PRELID2: variants seen among roughly 807,000 people sequenced by gnomAD.
The protein encoded by PRELID2 is PRELI domain containing 2.
PRELID2 carries 25 observed loss-of-function variants against 28.4 expected under a neutral mutation model. The observed-to-expected ratio is 0.88, with a 90% CI of 0.64 to 1.23. The LOEUF (loss-of-function observed/expected upper bound fraction) is 1.23. Among genes scored for constraint, PRELID2 ranks in the 50% most tolerant of loss-of-function variants. The probability of loss-of-function intolerance (pLI) is 0.00; values close to 1 mark genes in which losing one functional copy is unlikely to be tolerated. For missense variants in PRELID2, 201 were observed against 214.4 expected (o/e 0.94, Z 0.39); for synonymous variants, 76 against 71.6 (o/e 1.06, Z -0.31).
intron 1 of PRELID2, among the ~76,000 whole-genome samples, chr5:145,559,657 C>T (rs893421360): frequency 1.3e-5 from 2 of 152,084 alleles, no homozygotes; most frequent in East Asian, 3.9e-4. Flanking sequence ...CACGAGTGCC[C>T]AGCATGAGAG....
chr5:145,728,620 T>C, intron 1 of PRELID2: 1 of 1,114,702 alleles, frequency 9.0e-7, no homozygotes. Context: ...ACTGTAACAT[T>C]ATAGACTCCA....
At chr5:145,310,909 T>C in the PRELID2 span, among the ~76,000 whole-genome samples, 1 of 152,162 alleles carries the variant, frequency 6.6e-6, no homozygotes, top group Non-Finnish European at 1.5e-5. Context: ...CCCTTGAATA[T>C]TTTTCTGTTA....
chr5:145,686,940 C>T lies in PRELID2; in HGVS notation n.70+77991G>A, dbSNP rs572074608. 5.9e-5 allele frequency among the ~76,000 whole-genome samples: 9 copies of T among 152,222 alleles called. No individual in the cohort carries two copies. The South Asian group carries it at 1.9e-3, about 32-fold the overall frequency. ...ACTGAAATGATCTTATGGCATTTTA[C>T]CCACATTTGATCTAATTTCCCTAAT... On this transcript the variant is annotated intron_variant and non_coding_transcript_variant, in intron 1 of 2. Transcript: ENST00000510259.
At chr5:145,737,185 A>G (rs1309966439) in intron 1 of PRELID2, among the ~76,000 whole-genome samples, 1 of 152,080 alleles carries the variant, frequency 6.6e-6, no homozygotes, top group Non-Finnish European at 1.5e-5. Flanking sequence ...CAAGGAGTTT[A>G]CAGGCAAGCA....
chr5:145,806,432 C>A (rs1007818608), intron 4 of PRELID2, among the ~76,000 whole-genome samples: 1 of 152,176 alleles, frequency 6.6e-6, no homozygotes, highest in Non-Finnish European at 1.5e-5. Context: ...ACTGGAAAGT[C>A]TTCAGGGGCA....
chr5:145,647,454 G>C (rs1754217095), intron 1 of PRELID2, among the ~76,000 whole-genome samples: 1 of 152,190 alleles, frequency 6.6e-6, no homozygotes, highest in Non-Finnish European at 1.5e-5. Flanking sequence ...TTAGTTTGCT[G>C]GGCTCTGTGG....
At chr5:145,392,304 G>T in the PRELID2 span, among the ~76,000 whole-genome samples, 2 of 152,146 alleles carry the variant, frequency 1.3e-5, no homozygotes, top group African/African-American at 4.8e-5. Context: ...TCTTCACAAG[G>T]CAGCAGGAGA....
chr5:145,762,378 A>G (rs777361359), intron 6 of PRELID2, among the ~76,000 whole-genome samples: 25 of 151,844 alleles, frequency 1.6e-4, no homozygotes, highest in Middle Eastern at 6.8e-3. Flanking sequence ...CTCTATAAAA[A>G]AGGAAAAAAT....
At chr5:145,753,938 T>C (rs901741985), downstream of PRELID2, among the ~76,000 whole-genome samples, 1 of 152,124 alleles carries the variant, frequency 6.6e-6, no homozygotes, top group Non-Finnish European at 1.5e-5. Flanking sequence ...CCTTCCTCAG[T>C]CTTTCCAAGG....
chr5:145,540,162 T>G (rs555660121), intron 1 of PRELID2, among the ~76,000 whole-genome samples: 2 of 152,116 alleles, frequency 1.3e-5, no homozygotes, highest in East Asian at 3.9e-4. Context: ...TATTTGCAAT[T>G]GTTGGAATTA....
At chr5:145,422,580 T>C in the PRELID2 span, among the ~76,000 whole-genome samples, 1 of 152,152 alleles carries the variant, frequency 6.6e-6, no homozygotes, top group Non-Finnish European at 1.5e-5. Flanking sequence ...TTGTTTTCCA[T>C]TGGCTTGGTA....
At chr5:145,722,589 C>T (rs2149718560) in intron 1 of PRELID2, among the ~76,000 whole-genome samples, 1 of 152,256 alleles carries the variant, frequency 6.6e-6, no homozygotes, top group East Asian at 1.9e-4. Flanking sequence ...GCCTCCACCT[C>T]CTGGGTTCAA....
intron 1 of PRELID2, chr5:145,728,295 TGAGTTCCTGC>T (rs1432150585): frequency 3.6e-6 from 1 of 274,694 alleles, no homozygotes; most frequent in Non-Finnish European, 7.1e-6. Flanking sequence ...TTAGTTCCTG[TGAGTTCCTGC>T]AAGTCCCTGT....
chr5:145,275,750 G>A, the PRELID2 span, among the ~76,000 whole-genome samples: 1 of 152,132 alleles, frequency 6.6e-6, no homozygotes, highest in South Asian at 2.1e-4. Flanking sequence ...ATAATTTTGA[G>A]AGGCTATTTA....
intron 1 of PRELID2, among the ~76,000 whole-genome samples, chr5:145,525,865 A>G (rs151156100): frequency 1.3e-5 from 2 of 152,324 alleles, no homozygotes; most frequent in East Asian, 3.9e-4. Flanking sequence ...AGGCCAAACA[A>G]TGAAGGCCAA....
At chr5:145,694,669 T>C (rs1025099924) in intron 1 of PRELID2, among the ~76,000 whole-genome samples, 3 of 152,204 alleles carry the variant, frequency 2.0e-5, no homozygotes, top group Non-Finnish European at 4.4e-5. Flanking sequence ...AACTTTCCTA[T>C]ATGACATTCA....
chr5:145,307,201 C>T, the PRELID2 span, among the ~76,000 whole-genome samples: 1 of 152,140 alleles, frequency 6.6e-6, no homozygotes, highest in African/African-American at 2.4e-5. Context: ...ATGTGAACAG[C>T]CGTAGTTTAA....
rs180826139 is a variant in PRELID2 at position 145,673,397 on chromosome 5, T to C, written n.70+91534A>G. Among the ~76,000 whole-genome samples the C allele has an allele frequency of 4.7e-3, 721 of 152,042 alleles. 3 individuals are homozygous for C. Among genetic ancestry groups the C allele is most frequent in the Non-Finnish European group, 7.5e-3 (509 of 67,984 alleles). On this transcript the variant is annotated intron_variant and non_coding_transcript_variant, in intron 1 of 2. Transcript: ENST00000510259. Reference sequence around the variant, plus strand: ...TCAGGCACTATTCAAAACAGATAAATGTTTTGTATAAAGGTATAATAAGGG... The same window carrying C: ...TCAGGCACTATTCAAAACAGATAAACGTTTTGTATAAAGGTATAATAAGGG...
intron 1 of PRELID2, among the ~76,000 whole-genome samples, chr5:145,589,947 T>C (rs946958940): frequency 1.3e-5 from 2 of 152,208 alleles, no homozygotes; most frequent in African/African-American, 2.4e-5. Context: ...GCCCATCAGC[T>C]CCTCATTGGC....
Sources: allele counts gnomAD v4.1 joint callset (sites outside exome capture counted in the v4.1 genomes callset), GRCh38; gene constraint gnomAD v4.1.1; transcripts MANE v1.5; gene names NCBI Gene and HGNC (gene_info 2026-07-23, HGNC 2026-07-21).